HSPA12A: variants seen among roughly 807,000 people sequenced by gnomAD.
The protein encoded by HSPA12A is heat shock 70 kDa protein 12A.
Under a neutral mutation model 69.2 loss-of-function variants are expected in HSPA12A, and 28 were observed. That is an observed-to-expected ratio of 0.40 (90% CI 0.30 to 0.55). The LOEUF is 0.55. Among genes scored for constraint, HSPA12A ranks in the 20% least tolerant of loss-of-function variants. The pLI, the probability that HSPA12A is intolerant of heterozygous loss-of-function variation, is 0.38. For missense variants in HSPA12A, 686 were observed against 900.7 expected, an observed-to-expected ratio of 0.76 and a Z score of 3.05; for synonymous variants, 345 against 370.5, an observed-to-expected ratio of 0.93 and a Z score of 0.79.
intron 2 of HSPA12A, among the ~76,000 whole-genome samples, chr10:116,812,780 G>A (rs769410776): frequency 6.6e-6 from 1 of 152,152 alleles, no homozygotes; most frequent in African/African-American, 2.4e-5. Flanking sequence ...ATGATCTGGC[G>A]AAGGACCCAG....
intron 1 of HSPA12A, among the ~76,000 whole-genome samples, chr10:116,711,844 T>A (rs3034011): frequency 0.24 from 35,805 of 151,044 alleles, 4,735 homozygotes; most frequent in Middle Eastern, 0.41. Context: ...TTTTTTTTTT[T>A]AAATTTTTAA....
At chr10:116,774,534 A>G (rs1844289190) in intron 2 of HSPA12A, among the ~76,000 whole-genome samples, 1 of 152,166 alleles carries the variant, frequency 6.6e-6, no homozygotes, top group Non-Finnish European at 1.5e-5. Context: ...CTCTTGCCAA[A>G]GTGTGAGAAC....
At position 116,824,211 on chromosome 10, in the gene HSPA12A, T is replaced by C. The variant is rs543403105; in HGVS notation, c.91+10724A>G. On this transcript the variant is annotated intron_variant, in intron 2 of 12. Transcript: ENST00000635765. ...CAATCAAAACACAATGAAATGCCAC[T>C]TCACACCCAGAAGGATGACTATAAT... Among the ~76,000 whole-genome samples, 296 of 152,258 alleles carry C rather than the reference T, an allele frequency of 1.9e-3. 1 individual carries two copies. The highest frequency in any genetic ancestry group is 5.2e-3 in the African/African-American group (217 of 41,556).
intron 2 of HSPA12A, among the ~76,000 whole-genome samples, chr10:116,803,360 C>T (rs1844999510): frequency 1.3e-5 from 2 of 152,216 alleles, no homozygotes; most frequent in African/African-American, 4.8e-5. Flanking sequence ...AAAAGCCAGA[C>T]AGTGGGGCTG....
At position 116,679,802 on chromosome 10, in the gene HSPA12A, C is replaced by G. The variant is rs782459296; in HGVS notation, c.1028-41G>C. On this transcript the variant is annotated intron_variant, in intron 9 of 11. Coordinates refer to ENST00000369209, the MANE Select transcript of HSPA12A (RefSeq NM_025015.3). ...AAAGGGAGGCCATGGTGTTAAAAAC[C>G]ATTAGAAACCCAATCCAGACTCTGA... The G allele has an allele frequency of 8.1e-6, 13 of 1,599,264 alleles. No individual in the cohort carries two copies. The East Asian group carries it at 2.9e-4, about 36-fold the overall frequency.
chr10:116,734,649 G>GCTT (rs782143456), intron 1 of HSPA12A, among the ~76,000 whole-genome samples: 4 of 68,534 alleles, frequency 5.8e-5, no homozygotes, highest in African/African-American at 1.7e-4. Flanking sequence ...CAGATTTTCA[G>GCTT]CTTTTTTTTT....
At chr10:116,712,433 T>C (rs896024778) in intron 1 of HSPA12A, among the ~76,000 whole-genome samples, 1 of 152,140 alleles carries the variant, frequency 6.6e-6, no homozygotes, top group African/African-American at 2.4e-5. Context: ...AACCAGGCAA[T>C]TGAGGAGGAA....
intron 1 of HSPA12A, among the ~76,000 whole-genome samples, chr10:116,725,776 G>A (rs1850934209): frequency 6.6e-6 from 1 of 151,966 alleles, no homozygotes; most frequent in African/African-American, 2.4e-5. Flanking sequence ...TTTATGTTTT[G>A]CAGTTTATTT....
At chr10:116,822,545 G>A (rs746694053) in intron 2 of HSPA12A, among the ~76,000 whole-genome samples, 1 of 152,138 alleles carries the variant, frequency 6.6e-6, no homozygotes, top group Admixed American at 6.6e-5. Flanking sequence ...AATTCAGTAG[G>A]GCATTTGATA....
chr10:116,678,333 C>T (rs1318149319), intron 10 of HSPA12A, among the ~76,000 whole-genome samples: 2 of 128,766 alleles, frequency 1.6e-5, no homozygotes, highest in Non-Finnish European at 3.2e-5. Context: ...ACCTCTAAGT[C>T]CATCTGCCAA....
rs782528293 is a variant in HSPA12A at position 116,705,172 on chromosome 10, G to A, written c.233C>T (p.Pro78Leu). ...SGYAYSFTKE[P>L]ECIHVMRRWE... ...TCACCTCATCACATGGATGCATTCC[G>A]GCTCCTTGGTGAAGCTGTAGGCATA... Residue 78 changes from proline (P) to leucine (L), a missense_variant, in exon 3 of 12, where the codon CCG becomes CTG. By Grantham distance (98) the Pro-to-Leu change is moderately conservative (BLOSUM62 -3). Transcript: ENST00000369209. 18 of 1,614,020 alleles carry A rather than the reference G, an allele frequency of 1.1e-5. No individual in the cohort carries two copies. Among genetic ancestry groups the A allele is most frequent in the East Asian group, 2.2e-5 (1 of 44,882 alleles).
At chr10:116,728,357 G>A (rs1851043544) in intron 1 of HSPA12A, among the ~76,000 whole-genome samples, 1 of 152,204 alleles carries the variant, frequency 6.6e-6, no homozygotes, top group African/African-American at 2.4e-5. Context: ...TTATCAGGGT[G>A]TAACTCCATC....
At chr10:116,726,803 C>A (rs369003650) in intron 1 of HSPA12A, among the ~76,000 whole-genome samples, 60 of 152,302 alleles carry the variant, frequency 3.9e-4, no homozygotes, top group African/African-American at 1.3e-3. Context: ...ATGAAGTTGG[C>A]TCACAGAACA....
chr10:116,765,978 C>T (rs952687831), intron 2 of HSPA12A, among the ~76,000 whole-genome samples: 3 of 152,176 alleles, frequency 2.0e-5, no homozygotes, highest in East Asian at 1.9e-4. Context: ...TCTCTGCAGC[C>T]GCTTGTGGCT....
chr10:116,768,359 A>G (rs1844126965), intron 2 of HSPA12A, among the ~76,000 whole-genome samples: 2 of 152,198 alleles, frequency 1.3e-5, no homozygotes, highest in African/African-American at 4.8e-5. Context: ...GAGGGGGAAT[A>G]GGAGCAACTG....
intron 2 of HSPA12A, among the ~76,000 whole-genome samples, chr10:116,817,913 T>A (rs1184951376): frequency 6.6e-6 from 1 of 152,172 alleles, no homozygotes; most frequent in Non-Finnish European, 1.5e-5. Context: ...CTGGCAGACA[T>A]CCTGGATCAT....
At chr10:116,841,777 A>G (rs980624199) in intron 1 of HSPA12A, among the ~76,000 whole-genome samples, 7 of 152,126 alleles carry the variant, frequency 4.6e-5, no homozygotes, top group African/African-American at 1.7e-4. Context: ...TTCATTTGTG[A>G]CTGTTTTTTC....
intron 2 of HSPA12A, among the ~76,000 whole-genome samples, chr10:116,798,379 G>A (rs558774592): frequency 3.9e-5 from 6 of 152,282 alleles, no homozygotes; most frequent in Admixed American, 3.3e-4. Flanking sequence ...GGGACAAGTT[G>A]GCCCCCCTGC....
At position 116,681,132 on chromosome 10, in the gene HSPA12A, T is replaced by G; in HGVS notation, c.1027+20A>C. 1 of 1,547,936 alleles carries G rather than the reference T, an allele frequency of 6.5e-7. No individual in the cohort carries two copies. The highest frequency in any genetic ancestry group is 8.9e-7 in the Non-Finnish European group (1 of 1,120,012). ...TGGAATTGGCTCAGGAATAAGAAAATTAGCCCTGCAGGGCCTCACCTGTTG... is the reference window on the plus strand; with the variant it reads ...TGGAATTGGCTCAGGAATAAGAAAAGTAGCCCTGCAGGGCCTCACCTGTTG... On this transcript the variant is annotated intron_variant, in intron 9 of 11. Transcript: ENST00000369209.
Sources: gnomAD v4.1 joint callset for allele counts (sites outside exome capture counted in the v4.1 genomes callset) on GRCh38, gnomAD v4.1.1 for gene constraint, MANE v1.5 for transcripts, NCBI Gene and HGNC (gene_info 2026-07-23, HGNC 2026-07-21) for gene names.